Variants in EPHB2 observed in about 807,000 individuals in gnomAD.
The protein encoded by EPHB2 is EPH receptor B2.
EPHB2 carries 18 observed loss-of-function variants against 96.4 expected under a neutral mutation model. The ratio of observed to expected loss-of-function variants is 0.19; its 90% CI spans 0.13 to 0.28. The LOEUF is 0.28. Ranked by LOEUF, EPHB2 falls within the 10% of genes least tolerant of loss-of-function variation. EPHB2 has a pLI of 1.00. For missense variants in EPHB2, 989 were observed against 1,355.4 expected (o/e 0.73, Z 4.25); for synonymous variants, 506 against 534.1 (o/e 0.95, Z 0.72).
intron 5 of EPHB2, among the ~76,000 whole-genome samples, chr1:22,877,038 CA>C (rs1419659594): frequency 6.6e-6 from 1 of 152,180 alleles, no homozygotes; most frequent in Non-Finnish European, 1.5e-5. Flanking sequence ...GTAGGTGAGT[CA>C]GCGGGAACCA....
chr1:22,825,703 C>T (rs923852016), intron 3 of EPHB2, among the ~76,000 whole-genome samples: 5 of 152,210 alleles, frequency 3.3e-5, no homozygotes, highest in African/African-American at 9.6e-5. Context: ...CTAGGGCCAC[C>T]CTGGGGGCCA....
Position 22,912,572 on chromosome 1 carries a change from T to C in EPHB2, c.2825T>C (p.Phe942Ser). ...TTCGCCAATGCCGGCTTCACCTCCT[T>C]TGACGTCGTGTCTCAGATGATGATG... ...ESFANAGFTS[F>S]DVVSQMMMED... Residue 942 changes from phenylalanine (F) to serine (S), a missense_variant, in exon 15 of 16, where the codon TTT becomes TCT. Phe to Ser is a radical substitution (Grantham distance 155). Transcript: ENST00000374630. 6.2e-7 allele frequency: 1 copy of C among 1,614,024 alleles called. No individual in the cohort carries two copies. Among genetic ancestry groups the C allele is most frequent in the African/African-American group, 1.3e-5 (1 of 75,026 alleles).
At chr1:22,886,249 A>T (rs985975864) in intron 6 of EPHB2, among the ~76,000 whole-genome samples, 1 of 152,180 alleles carries the variant, frequency 6.6e-6, no homozygotes, top group African/African-American at 2.4e-5. Flanking sequence ...CAGGAATCGC[A>T]GGTGCAAAGG....
In EPHB2 at chr1:22,895,482, G is replaced by C. The variant is rs781320568; in HGVS notation, c.1602G>C (p.Gln534His). ...YFQTMTEAEYQTSIQEKLPLI... is the reference protein window; with the variant it reads ...YFQTMTEAEYHTSIQEKLPLI... ...ATGCTTTCTCCCCAGCCGAGTACCA[G>C]ACAAGCATCCAGGAGAAGTTGCCAC... is the stretch of plus-strand genomic sequence containing the variant. Residue 534 changes from glutamine to histidine, a missense_variant, in exon 8 of 16, where the codon CAG becomes CAC. Gln to His is a conservative substitution (Grantham distance 24, BLOSUM62 0). Transcript: ENST00000374630. 22 of 1,614,154 alleles carry C rather than the reference G, an allele frequency of 1.4e-5. 1 individual carries two copies. The South Asian group carries it at 2.2e-4, about 16-fold the overall frequency.
chr1:22,888,003 G>T (rs538836254), intron 6 of EPHB2, among the ~76,000 whole-genome samples: 2 of 152,160 alleles, frequency 1.3e-5, no homozygotes, highest in Admixed American at 6.5e-5. Flanking sequence ...CATGGGAAAG[G>T]GCTTACTCTA....
chr1:22,830,856 C>T (rs1557700430), intron 3 of EPHB2, among the ~76,000 whole-genome samples: 2 of 152,160 alleles, frequency 1.3e-5, no homozygotes, highest in African/African-American at 4.8e-5. Context: ...CACCCTGCCT[C>T]ATATTCATTT....
At chr1:22,739,495 C>G in intron 1 of EPHB2, among the ~76,000 whole-genome samples, 1 of 152,216 alleles carries the variant, frequency 6.6e-6, no homozygotes, top group East Asian at 1.9e-4. Context: ...GGATTACAGA[C>G]CTGAGCCACT....
chr1:22,824,241 G>A (rs1179576960), intron 3 of EPHB2, among the ~76,000 whole-genome samples: 3 of 151,646 alleles, frequency 2.0e-5, no homozygotes, highest in Admixed American at 1.3e-4. Context: ...TGGAAGGAAG[G>A]AAGGTCTAAC....
chr1:22,800,794 A>ACTCT lies in EPHB2; in HGVS notation c.811+15719_811+15720insTCTC, dbSNP rs1387089342. On this transcript the variant is annotated intron_variant, in intron 3 of 15. Transcript: ENST00000374630. ...GTGACACACACACACACACACACAC[A>ACTCT]CACTCTCTCTCTCTTTCTGGGGACC... Among the ~76,000 whole-genome samples the ACTCT allele has an allele frequency of 5.0e-3, 760 of 151,588 alleles. 4 individuals carry two copies. The highest frequency in any genetic ancestry group is 0.018 in the African/African-American group (723 of 41,286).
At chr1:22,774,268 G>T (rs1028403996) in intron 1 of EPHB2, among the ~76,000 whole-genome samples, 1 of 152,160 alleles carries the variant, frequency 6.6e-6, no homozygotes, top group Non-Finnish European at 1.5e-5. Context: ...AAGTTCACAC[G>T]TCGGGCACTA....
At chr1:22,803,515 G>C (rs111597211) in intron 3 of EPHB2, among the ~76,000 whole-genome samples, 1 of 151,630 alleles carries the variant, frequency 6.6e-6, no homozygotes, top group Non-Finnish European at 1.5e-5. Context: ...GCTGAGGTGG[G>C]AGGATCACTT....
At chr1:22,791,428 G>C (rs143638170) in intron 3 of EPHB2, among the ~76,000 whole-genome samples, 1 of 146,362 alleles carries the variant, frequency 6.8e-6, no homozygotes, top group African/African-American at 2.5e-5. Context: ...ATGGACTTCT[G>C]CTTAAATTAC....
intron 1 of EPHB2, among the ~76,000 whole-genome samples, chr1:22,764,277 C>T (rs1186821121): frequency 2.0e-5 from 3 of 152,136 alleles, no homozygotes; most frequent in East Asian, 1.9e-4. Context: ...ATAATGACCA[C>T]GGTCAATATT....
intron 3 of EPHB2, among the ~76,000 whole-genome samples, chr1:22,841,563 T>A (rs1645469406): frequency 6.6e-6 from 1 of 152,192 alleles, no homozygotes; most frequent in Non-Finnish European, 1.5e-5. Flanking sequence ...AGATGGCATC[T>A]CCCTCGAGGC....
chr1:22,856,260 C>T (rs1253691136), intron 3 of EPHB2, among the ~76,000 whole-genome samples: 1 of 152,222 alleles, frequency 6.6e-6, no homozygotes, highest in African/African-American at 2.4e-5. Flanking sequence ...CTGCCTCGGC[C>T]TGACTCAGGG....
At chr1:22,810,077 G>A (rs973583141) in intron 3 of EPHB2, among the ~76,000 whole-genome samples, 3 of 152,174 alleles carry the variant, frequency 2.0e-5, no homozygotes, top group African/African-American at 7.2e-5. Context: ...AGTGCTTTGC[G>A]TGCTAGGGAA....
intron 3 of EPHB2, among the ~76,000 whole-genome samples, chr1:22,792,204 G>A (rs1436566275): frequency 2.7e-5 from 4 of 150,318 alleles, no homozygotes; most frequent in Admixed American, 2.6e-4. Context: ...GCGGGGGTGG[G>A]GTGCGGTCAA....
At chr1:22,879,561 C>A (rs1484456979) in intron 5 of EPHB2, among the ~76,000 whole-genome samples, 1 of 152,190 alleles carries the variant, frequency 6.6e-6, no homozygotes, top group Non-Finnish European at 1.5e-5. Context: ...CAGAGGGGGT[C>A]ATAGCTAGGG....
intron 3 of EPHB2, among the ~76,000 whole-genome samples, chr1:22,801,406 G>A (rs1644841399): frequency 6.6e-6 from 1 of 152,088 alleles, no homozygotes; most frequent in South Asian, 2.1e-4. Flanking sequence ...ACCGCCCTGG[G>A]TGGCAGCTGG....
Sources: allele counts gnomAD v4.1 joint callset (sites outside exome capture counted in the v4.1 genomes callset), GRCh38; gene constraint gnomAD v4.1.1; transcripts MANE v1.5; gene names NCBI Gene and HGNC (gene_info 2026-07-23, HGNC 2026-07-21).